TCN2: variants seen among roughly 807,000 people sequenced by gnomAD.
TCN2 encodes the protein transcobalamin 2.
Under a neutral mutation model 48.6 loss-of-function variants are expected in TCN2, and 34 were observed. The ratio of observed to expected loss-of-function variants is 0.70; its 90% CI spans 0.53 to 0.93. The LOEUF (loss-of-function observed/expected upper bound fraction) is 0.93. Ranked by LOEUF, TCN2 falls within the 40% of genes least tolerant of loss-of-function variation. TCN2 has a pLI of 0.00. For missense variants in TCN2, 652 were observed against 526.1 expected (o/e 1.24, Z -2.34); for synonymous variants, 283 against 212.5 (o/e 1.33, Z -2.89).
At chr22:30,611,570 C>T (rs2087542113) in intron 2 of TCN2, among the ~76,000 whole-genome samples, 1 of 152,232 alleles carries the variant, frequency 6.6e-6, no homozygotes, top group Non-Finnish European at 1.5e-5. Context: ...TGCAGTGGCA[C>T]AATCTTGGCT....
intron 3 of TCN2, 130 bp downstream of exon 3, chr22:30,613,172 A>G (rs2087566315): frequency 1.5e-6 from 2 of 1,315,250 alleles, no homozygotes; most frequent in Middle Eastern, 2.4e-4. Context: ...TGCCCATCTC[A>G]CTGCCTACGT....
chr22:30,617,717 C>G, intron 7 of TCN2: 1 of 603,554 alleles, frequency 1.7e-6, no homozygotes, highest in South Asian at 1.9e-5. Context: ...GGCAGAGCCC[C>G]CCAGTTGGAA....
chr22:30,623,843 C>CAT lies in TCN2; in HGVS notation c.1222+762_1222+763dup, dbSNP rs1212180569. Among the ~76,000 whole-genome samples, 10 of 59,394 alleles carry CAT rather than the reference C, an allele frequency of 1.7e-4. 3 individuals are homozygous for CAT. The East Asian group carries it at 3.3e-3, about 20-fold the overall frequency. The allele number at this position is 59,394 out of a possible 152,430, so 39.0% of individuals were successfully genotyped here. A position where few individuals can be genotyped will look rare whatever the true frequency, so the allele number is the denominator to read the frequency against. On this transcript the variant is annotated intron_variant, in intron 8 of 8. Coordinates refer to ENST00000215838, the MANE Select transcript of TCN2 (RefSeq NM_000355.4). ...ACACATACACACACATATACACACA[C>CAT]ATACATACACATACATACACACATA...
Position 30,615,562 on chromosome 22 carries a change from C to T in TCN2, c.754-39C>T, listed in dbSNP as rs368857587. 169 of 1,613,878 alleles carry T rather than the reference C, an allele frequency of 1.0e-4. 1 individual carries two copies. Among genetic ancestry groups the T allele is most frequent in the African/African-American group, 9.3e-4 (70 of 75,024 alleles). Reference sequence around the variant, plus strand: ...GCTGGAACACCTAGCCCCTCCCTGCCGGCTGACTTCCTCTCTCTCTTCCTC... The same window carrying T: ...GCTGGAACACCTAGCCCCTCCCTGCTGGCTGACTTCCTCTCTCTCTTCCTC... On this transcript the variant is annotated intron_variant, in intron 5 of 8. Coordinates refer to ENST00000215838, the MANE Select transcript of TCN2 (RefSeq NM_000355.4).
Position 30,626,103 on chromosome 22 carries a change from C to T in TCN2, c.1223-357C>T, listed in dbSNP as rs1043481589. Among the ~76,000 whole-genome samples, 5 of 152,100 alleles carry T rather than the reference C, an allele frequency of 3.3e-5. No homozygotes were observed. In the East Asian group the frequency reaches 5.8e-4, roughly 18 times the overall value. ...TTGAATCCAGGCGTCCTCCTAGAGC[C>T]TGGATTCTGTGTAGTGAGTGAAAGC... On this transcript the variant is annotated intron_variant, in intron 8 of 8. Coordinates refer to ENST00000215838, the MANE Select transcript of TCN2 (RefSeq NM_000355.4).
intron 1 of TCN2, 43 bp from the exon 2 acceptor site, chr22:30,610,828 G>A: frequency 6.2e-7 from 1 of 1,608,356 alleles, no homozygotes; most frequent in Non-Finnish European, 8.5e-7. Context: ...CTTTGCTGGT[G>A]GCCTGGCCCT....
intron 3 of TCN2, among the ~76,000 whole-genome samples, chr22:30,613,435 A>G (rs1357180940): frequency 6.6e-6 from 1 of 152,058 alleles, no homozygotes; most frequent in East Asian, 1.9e-4. Context: ...ATGCGCCACC[A>G]CACCCAGCTA....
chr22:30,624,288 G>T (rs1214034237), intron 8 of TCN2, among the ~76,000 whole-genome samples: 1 of 151,402 alleles, frequency 6.6e-6, no homozygotes, highest in African/African-American at 2.4e-5. Flanking sequence ...TGGCCAGGCT[G>T]GTCTCAAACT....
chr22:30,608,595 G>A (rs913702270), intron 1 of TCN2, among the ~76,000 whole-genome samples: 4 of 151,292 alleles, frequency 2.6e-5, no homozygotes, highest in African/African-American at 9.8e-5. Context: ...TCGCCATGTT[G>A]CCCAGGCTGG....
At chr22:30,618,373 A>G (rs1397365611) in intron 7 of TCN2, among the ~76,000 whole-genome samples, 1 of 151,508 alleles carries the variant, frequency 6.6e-6, no homozygotes, top group Non-Finnish European at 1.5e-5. Flanking sequence ...TTATTTCGAG[A>G]CAGAGCCTCT....
At position 30,609,234 on chromosome 22, in the gene TCN2, G is replaced by C. The variant is rs117756724; in HGVS notation, c.65-1637G>C. 6.2e-4 allele frequency among the ~76,000 whole-genome samples: 94 copies of C among 151,166 alleles called. No individual in the cohort carries two copies. The East Asian group carries it at 0.017, about 27-fold the overall frequency. Reference sequence around the variant, plus strand: ...CCAGGGTTGGTTTCAAACTCCTAGGGTCAAGCGATCCTCCCACCTTGGCCT... The same window carrying C: ...CCAGGGTTGGTTTCAAACTCCTAGGCTCAAGCGATCCTCCCACCTTGGCCT... On this transcript the variant is annotated intron_variant, in intron 1 of 8. Transcript: ENST00000215838.
At chr22:30,619,161 C>T (rs2087660064) in intron 7 of TCN2, among the ~76,000 whole-genome samples, 1 of 152,216 alleles carries the variant, frequency 6.6e-6, no homozygotes, top group African/African-American at 2.4e-5. Context: ...ACTGTAGCCT[C>T]AATCTTCCGG....
At chr22:30,616,630 G>A (rs553453559) in intron 6 of TCN2, among the ~76,000 whole-genome samples, 144 of 152,172 alleles carry the variant, frequency 9.5e-4, no homozygotes, top group Middle Eastern at 6.8e-3. Flanking sequence ...GTGAAACCCT[G>A]TCTTTACTAA....
chr22:30,624,687 G>T (rs2087777692), intron 8 of TCN2, among the ~76,000 whole-genome samples: 1 of 152,168 alleles, frequency 6.6e-6, no homozygotes, highest in East Asian at 1.9e-4. Context: ...GGCAGTTGTA[G>T]CCTCTATCTC....
At chr22:30,613,235 G>A (rs952994291) in intron 3 of TCN2, among the ~76,000 whole-genome samples, 193 bp downstream of exon 3, 5 of 152,164 alleles carry the variant, frequency 3.3e-5, no homozygotes, top group South Asian at 2.1e-4. Flanking sequence ...TTCCCGCGCT[G>A]CACACATACT....
intron 2 of TCN2, 72 bp from the exon 3 acceptor site, chr22:30,612,801 G>T: frequency 1.3e-6 from 2 of 1,589,188 alleles, no homozygotes; most frequent in African/African-American, 1.3e-5. Flanking sequence ...TGTGATGCGG[G>T]TGGGGTGGGT....
chr22:30,608,827 C>T (rs2087492254), intron 1 of TCN2, among the ~76,000 whole-genome samples: 1 of 152,200 alleles, frequency 6.6e-6, no homozygotes, highest in Admixed American at 6.5e-5. Context: ...GCTCTTCCTC[C>T]TGGCTGATCT....
intron 6 of TCN2, among the ~76,000 whole-genome samples, chr22:30,616,883 T>A (rs2145547277): frequency 6.6e-6 from 1 of 152,170 alleles, no homozygotes; most frequent in Non-Finnish European, 1.5e-5. Flanking sequence ...TTTGGGGGAA[T>A]TTTGAGGAAT....
chr22:30,609,145 TTC>T (rs1491148560), intron 1 of TCN2, among the ~76,000 whole-genome samples: 1 of 151,914 alleles, frequency 6.6e-6, no homozygotes, highest in Non-Finnish European at 1.5e-5. Context: ...GTGCTTCCTT[TTC>T]TCTTTCTTCT....
Sources: allele counts gnomAD v4.1 joint callset (sites outside exome capture counted in the v4.1 genomes callset), GRCh38; gene constraint gnomAD v4.1.1; transcripts MANE v1.5; gene names NCBI Gene and HGNC (gene_info 2026-07-23, HGNC 2026-07-21).